EBF1: variants seen among roughly 807,000 people sequenced by gnomAD.
EBF1 encodes the protein EBF transcription factor 1.
EBF1 carries 10 observed loss-of-function variants against 68.4 expected under a neutral mutation model. The observed-to-expected ratio is 0.15, with a 90% CI of 0.09 to 0.25. EBF1 has a LOEUF of 0.25. Among genes scored for constraint, EBF1 ranks in the 10% least tolerant of loss-of-function variants. EBF1 has a pLI of 1.00. For synonymous variants in EBF1, 298 were observed against 299.8 expected (o/e 0.99, Z 0.06); for missense variants, 509 against 794.4 (o/e 0.64, Z 4.32).
At chr5:159,009,532 C>G (rs1236607183) in intron 6 of EBF1, among the ~76,000 whole-genome samples, 1 of 152,164 alleles carries the variant, frequency 6.6e-6, no homozygotes, top group East Asian at 1.9e-4. Context: ...AGAATTCATA[C>G]TATGAATACG....
At chr5:158,963,520 T>C (rs1246812294) in intron 6 of EBF1, among the ~76,000 whole-genome samples, 1 of 152,172 alleles carries the variant, frequency 6.6e-6, no homozygotes, top group African/African-American at 2.4e-5. Context: ...CTTCTACCAG[T>C]TATAGGCCTC....
chr5:159,011,376 G>T (rs1259416373), intron 6 of EBF1, among the ~76,000 whole-genome samples: 9 of 152,216 alleles, frequency 5.9e-5, no homozygotes, highest in Non-Finnish European at 1.3e-4. Flanking sequence ...TGCATCCTCT[G>T]AGAGTATATT....
At chr5:158,888,628 A>G (rs1471601155) in intron 6 of EBF1, among the ~76,000 whole-genome samples, 2 of 152,182 alleles carry the variant, frequency 1.3e-5, no homozygotes, top group East Asian at 1.9e-4. Flanking sequence ...ATTAAAGACC[A>G]TGGAACTGGT....
At chr5:158,799,496 C>T (rs1780198454) in intron 8 of EBF1, among the ~76,000 whole-genome samples, 2 of 152,032 alleles carry the variant, frequency 1.3e-5, no homozygotes, top group Admixed American at 6.6e-5. Context: ...ATGGGATAGT[C>T]CCCATAAATG....
At chr5:158,713,585 G>A (rs1267479850) in intron 12 of EBF1, among the ~76,000 whole-genome samples, 1 of 152,166 alleles carries the variant, frequency 6.6e-6, no homozygotes, top group Non-Finnish European at 1.5e-5. Context: ...TTAAGGGAAG[G>A]CTGTAGATGA....
At chr5:158,718,172 GTCA>G (rs1436315820) in intron 11 of EBF1, among the ~76,000 whole-genome samples, 3 of 152,142 alleles carry the variant, frequency 2.0e-5, no homozygotes, top group African/African-American at 7.2e-5. Flanking sequence ...GCCCTTGTCT[GTCA>G]TCATATGTGG....
chr5:158,803,952 G>GTC (rs1180638553), intron 8 of EBF1, among the ~76,000 whole-genome samples: 1 of 50,112 alleles, frequency 2.0e-5, no homozygotes, highest in African/African-American at 8.0e-5. Flanking sequence ...GTGTGTGTCT[G>GTC]TGTGTGTGTG....
At chr5:158,973,464 A>AAC (rs139768228) in intron 6 of EBF1, among the ~76,000 whole-genome samples, 1,766 of 149,216 alleles carry the variant, frequency 0.012, 25 homozygotes, top group African/African-American at 0.031. Flanking sequence ...AGCTCAAACC[A>AAC]ACACACACAC....
chr5:158,948,624 A>G (rs1357162399), intron 6 of EBF1, among the ~76,000 whole-genome samples: 3 of 152,154 alleles, frequency 2.0e-5, no homozygotes, highest in African/African-American at 7.2e-5. Flanking sequence ...GACACCACTG[A>G]CACAAAGGAA....
intron 6 of EBF1, among the ~76,000 whole-genome samples, chr5:158,896,090 A>T (rs958715950): frequency 1.3e-5 from 2 of 152,210 alleles, no homozygotes. Context: ...AATAAAAGAA[A>T]GAAATAATAA....
rs543830519 is a variant in EBF1 at position 158,793,330 on chromosome 5, C to T, written c.909+3015G>A. On this transcript the variant is annotated intron_variant, in intron 9 of 15. Coordinates refer to ENST00000313708, the MANE Select transcript of EBF1 (RefSeq NM_024007.5). ...AATTCTGATTCTGTACAATGCAAGC[C>T]TTGACAAATGGCCTCAAACTTGGTT... is the stretch of plus-strand genomic sequence containing the variant. 7.9e-5 allele frequency among the ~76,000 whole-genome samples: 12 copies of T among 152,258 alleles called. No homozygotes were observed. In the East Asian group the frequency reaches 2.1e-3, roughly 27 times the overall value.
chr5:159,006,628 T>C (rs1345514515), intron 6 of EBF1, among the ~76,000 whole-genome samples: 1 of 98,260 alleles, frequency 1.0e-5, no homozygotes, highest in Non-Finnish European at 1.8e-5. Flanking sequence ...CAAACTCATA[T>C]AACCAATCAT....
intron 1 of EBF1, among the ~76,000 whole-genome samples, chr5:159,098,940 A>C (rs938326028): frequency 6.6e-6 from 1 of 151,964 alleles, no homozygotes; most frequent in Non-Finnish European, 1.5e-5. Flanking sequence ...GAAAGAAAGA[A>C]AGAAAAAAGA....
intron 7 of EBF1, among the ~76,000 whole-genome samples, chr5:158,834,619 G>A (rs1331202218): frequency 1.3e-5 from 2 of 152,088 alleles, no homozygotes; most frequent in African/African-American, 4.8e-5. Flanking sequence ...AAAACACTAA[G>A]GTCACACTAA....
At chr5:159,020,239 G>A (rs897253579) in intron 6 of EBF1, among the ~76,000 whole-genome samples, 3 of 152,100 alleles carry the variant, frequency 2.0e-5, no homozygotes, top group Admixed American at 1.3e-4. Context: ...CAATTGATGG[G>A]CTTCAGAGGG....
chr5:158,827,050 C>T (rs1026259093), intron 7 of EBF1, among the ~76,000 whole-genome samples: 1 of 152,122 alleles, frequency 6.6e-6, no homozygotes, highest in African/African-American at 2.4e-5. Flanking sequence ...ATACTTAACT[C>T]ATAAGGTAAC....
chr5:158,777,575 C>T (rs556057295), intron 9 of EBF1, 36 bp from the exon 10 acceptor site: 5 of 1,571,652 alleles, frequency 3.2e-6, no homozygotes, highest in African/African-American at 1.4e-5. Flanking sequence ...ATTGTCATTG[C>T]AATAGTTAAA....
Position 158,811,016 on chromosome 5 carries a change from CT to C in EBF1, c.778+12159del, listed in dbSNP as rs71285026. On this transcript the variant is annotated intron_variant, in intron 8 of 15. Coordinates refer to ENST00000313708, the MANE Select transcript of EBF1 (RefSeq NM_024007.5). ...CTCTTGTGTCCCTCCAGGTAAATCTCTTTTTTTTGAGGATGCTAAAATCATG... is the reference window on the plus strand; with the variant it reads ...CTCTTGTGTCCCTCCAGGTAAATCTCTTTTTTTGAGGATGCTAAAATCATG... Among the ~76,000 whole-genome samples, 9 of 152,028 alleles carry C rather than the reference CT, an allele frequency of 5.9e-5. No homozygotes were observed. In the South Asian group the frequency reaches 6.3e-4, roughly 11 times the overall value.
At chr5:159,009,121 T>C (rs1370402037) in intron 6 of EBF1, among the ~76,000 whole-genome samples, 1 of 152,210 alleles carries the variant, frequency 6.6e-6, no homozygotes, top group Non-Finnish European at 1.5e-5. Flanking sequence ...AAGCCCTTTT[T>C]AATTTATGAA....
Sources: gnomAD v4.1 joint callset for allele counts (sites outside exome capture counted in the v4.1 genomes callset) on GRCh38, gnomAD v4.1.1 for gene constraint, MANE v1.5 for transcripts, NCBI Gene and HGNC (gene_info 2026-07-23, HGNC 2026-07-21) for gene names.